AMPH: variants seen among roughly 807,000 people sequenced by gnomAD.
The protein encoded by AMPH is amphiphysin (Stiff-Mann syndrome with breast cancer 128kD autoantigen).
In AMPH, 49 loss-of-function variants were observed where a neutral mutation model predicts 99.1. The ratio of observed to expected loss-of-function variants is 0.49; its 90% CI spans 0.39 to 0.63. The LOEUF is 0.63. Among genes scored for constraint, AMPH ranks in the 20% least tolerant of loss-of-function variants. AMPH has a pLI of 0.00. For synonymous variants in AMPH, 314 were observed against 317.3 expected (o/e 0.99, Z 0.11); for missense variants, 759 against 863.4 (o/e 0.88, Z 1.52).
chr7:38,560,064 GTCT>G (rs2129048574), intron 1 of AMPH, among the ~76,000 whole-genome samples: 1 of 152,356 alleles, frequency 6.6e-6, no homozygotes, highest in South Asian at 2.1e-4. Context: ...CCTGTATGCA[GTCT>G]GCTTCGCAGT....
At position 38,430,096 on chromosome 7, in the gene AMPH, A is replaced by C. The variant is rs924347881; in HGVS notation, c.1159-231T>G. The stretch of plus-strand genomic sequence containing the variant: ...ACAAAGAAAGCCTCTTTCACTTTCT[A>C]GCATCAGCAAGGATGTTTTATGGCT... On this transcript the variant is annotated intron_variant, in intron 13 of 20. Transcript: ENST00000356264. 3.8e-5 allele frequency: 20 copies of C among 520,674 alleles called. No homozygotes were observed. In the African/African-American group the frequency reaches 3.9e-4, roughly 10 times the overall value. 32.3% of individuals were successfully genotyped at this position (520,674 alleles called of 1,614,324 possible).
chr7:38,384,415 G>A lies in AMPH; in HGVS notation c.*403C>T. 1 of 167,036 alleles carries A rather than the reference G, an allele frequency of 6.0e-6. No individual in the cohort carries two copies. Among genetic ancestry groups the A allele is most frequent in the Non-Finnish European group, 1.3e-5 (1 of 75,312 alleles). The allele number at this position is 167,036 out of a possible 1,614,324, so 10.3% of individuals were successfully genotyped here. On this transcript the variant is annotated 3_prime_UTR_variant, in exon 21 of 21. Transcript: ENST00000356264. ...AGCGAGAGCACGTGCTCACACCTGG[G>A]CAGGGGAATAAGATAATCTTGTACT...
At chr7:38,520,286 T>G (rs1584197304) in intron 2 of AMPH, among the ~76,000 whole-genome samples, 1 of 152,346 alleles carries the variant, frequency 6.6e-6, no homozygotes, top group Non-Finnish European at 1.5e-5. Context: ...TATATTATCC[T>G]CTTAATATAG....
intron 4 of AMPH, 75 bp from the exon 5 acceptor site, chr7:38,491,220 A>C: frequency 9.8e-7 from 1 of 1,019,004 alleles, no homozygotes; most frequent in Non-Finnish European, 1.5e-6. Flanking sequence ...AAAAATCTGA[A>C]ACTATAAAAT....
At chr7:38,546,688 T>G (rs1018747410) in intron 1 of AMPH, among the ~76,000 whole-genome samples, 5 of 152,216 alleles carry the variant, frequency 3.3e-5, no homozygotes, top group African/African-American at 1.2e-4. Flanking sequence ...GATATAAGAA[T>G]GACTGCATGA....
intron 1 of AMPH, among the ~76,000 whole-genome samples, chr7:38,584,147 T>C (rs937602703): frequency 1.3e-5 from 2 of 152,252 alleles, no homozygotes; most frequent in African/African-American, 4.8e-5. Context: ...TTTTAGTCAT[T>C]GTCCTTTCAT....
intron 5 of AMPH, among the ~76,000 whole-genome samples, chr7:38,485,573 T>C (rs1788458670): frequency 1.3e-5 from 2 of 151,950 alleles, no homozygotes; most frequent in Non-Finnish European, 2.9e-5. Flanking sequence ...ATTTCAATTA[T>C]AGACACAATA....
chr7:38,548,785 G>T (rs1344749412), intron 1 of AMPH, among the ~76,000 whole-genome samples: 3 of 152,216 alleles, frequency 2.0e-5, no homozygotes, highest in African/African-American at 7.2e-5. Context: ...TGTGCCACTT[G>T]CACACGTGAA....
chr7:38,606,842 T>G (rs1250510128), intron 1 of AMPH, among the ~76,000 whole-genome samples: 1 of 152,166 alleles, frequency 6.6e-6, no homozygotes, highest in Admixed American at 6.5e-5. Flanking sequence ...CCCAAAGCAC[T>G]AGGATTACAG....
At chr7:38,576,679 G>GT (rs1285790105) in intron 1 of AMPH, among the ~76,000 whole-genome samples, 4 of 152,196 alleles carry the variant, frequency 2.6e-5, no homozygotes, top group Non-Finnish European at 5.9e-5. Context: ...CTATTTTTAT[G>GT]TTTTTTTAAA....
chr7:38,510,104 C>T (rs1789483591), intron 2 of AMPH, among the ~76,000 whole-genome samples: 1 of 152,154 alleles, frequency 6.6e-6, no homozygotes, highest in African/African-American at 2.4e-5. Flanking sequence ...AAACCACAGA[C>T]CAAGTGGCTT....
At chr7:38,615,970 G>A (rs1793858203) in intron 1 of AMPH, among the ~76,000 whole-genome samples, 1 of 152,174 alleles carries the variant, frequency 6.6e-6, no homozygotes, top group South Asian at 2.1e-4. Context: ...TGGAGATCGT[G>A]AGTTAATGAA....
In AMPH at chr7:38,466,269, G is replaced by A. The variant is rs375406225; in HGVS notation, c.591-21C>T. ...CTCGTCTGCCATGTGGAAACACAAA[G>A]AGGAAAGAAGAGAGAGGGAAAGACC... is the stretch of plus-strand genomic sequence containing the variant. On this transcript the variant is annotated intron_variant, in intron 7 of 20. Transcript: ENST00000356264. 81 of 1,559,640 alleles carry A rather than the reference G, an allele frequency of 5.2e-5. No homozygotes were observed. The African/African-American group carries it at 1.0e-3, about 19-fold the overall frequency.
intron 17 of AMPH, among the ~76,000 whole-genome samples, chr7:38,409,890 A>C (rs1235494598): frequency 6.6e-6 from 1 of 152,198 alleles, no homozygotes; most frequent in East Asian, 1.9e-4. Context: ...TTAAAGTTTT[A>C]ATTAGTGATT....
intron 7 of AMPH, among the ~76,000 whole-genome samples, chr7:38,471,643 G>A (rs1787891594): frequency 6.6e-6 from 1 of 152,096 alleles, no homozygotes; most frequent in African/African-American, 2.4e-5. Flanking sequence ...CTATATAAAG[G>A]TAAATGGACT....
In AMPH at chr7:38,506,439, A is replaced by T. The variant is rs533746121; in HGVS notation, c.151-2735T>A. Among the ~76,000 whole-genome samples the T allele has an allele frequency of 2.0e-5, 3 of 152,314 alleles. No individual in the cohort carries two copies. In the South Asian group the frequency reaches 6.2e-4, roughly 32 times the overall value. ...AGTGGTGGTCAAGCAACGGAAAGAG[A>T]TAGAATGGAACTGAGAGAGAAGCAA... On this transcript the variant is annotated intron_variant, in intron 2 of 20. Transcript: ENST00000356264.
intron 16 of AMPH, among the ~76,000 whole-genome samples, chr7:38,418,275 G>T (rs1714252516): frequency 6.6e-6 from 1 of 152,020 alleles, no homozygotes; most frequent in African/African-American, 2.4e-5. Context: ...GCTATAAGAG[G>T]TTCTGCTATT....
chr7:38,489,200 T>C (rs1036620394), intron 5 of AMPH, among the ~76,000 whole-genome samples: 5 of 152,226 alleles, frequency 3.3e-5, no homozygotes, highest in African/African-American at 9.6e-5. Flanking sequence ...AAATATTCAG[T>C]CAACTGATCT....
chr7:38,517,587 G>C (rs10951561), intron 2 of AMPH, among the ~76,000 whole-genome samples: 49,363 of 152,104 alleles, frequency 0.32, 8,494 homozygotes, highest in Middle Eastern at 0.38. Flanking sequence ...CAGTGTGAGA[G>C]TGGACTAATA....
Sources: gnomAD v4.1 joint callset for allele counts (sites outside exome capture counted in the v4.1 genomes callset) on GRCh38, gnomAD v4.1.1 for gene constraint, MANE v1.5 for transcripts, NCBI Gene and HGNC (gene_info 2026-07-23, HGNC 2026-07-21) for gene names.